The following RBFOX1 variants were observed in gnomAD, a reference collection of about 807,000 sequenced individuals.
The protein encoded by RBFOX1 is RNA binding protein fox-1 homolog 1.
A neutral mutation model predicts 57.7 loss-of-function variants in RBFOX1; 8 were observed. That is an observed-to-expected ratio of 0.14 (90% CI 0.08 to 0.25). The LOEUF (loss-of-function observed/expected upper bound fraction) is 0.25. RBFOX1 is among the 10% of genes least tolerant of loss of function. The probability of loss-of-function intolerance (pLI) is 1.00; values close to 1 mark genes in which losing one functional copy is unlikely to be tolerated. For missense variants in RBFOX1, 611 were observed against 548.5 expected, an observed-to-expected ratio of 1.11 and a Z score of -1.14; for synonymous variants, 326 against 222.4, an observed-to-expected ratio of 1.47 and a Z score of -4.15.
intron 2 of RBFOX1, among the ~76,000 whole-genome samples, chr16:5,552,843 G>A (rs199499781): frequency 3.3e-5 from 2 of 61,016 alleles, no homozygotes; most frequent in Non-Finnish European, 6.9e-5. Context: ...CTTGGGAAAC[G>A]AGGGAAAAGG....
intron 3 of RBFOX1, among the ~76,000 whole-genome samples, chr16:6,930,380 C>A (rs1386090802): frequency 6.6e-6 from 1 of 152,008 alleles, no homozygotes; most frequent in East Asian, 1.9e-4. Context: ...AATGAGATAC[C>A]ACCTCACACC....
chr16:5,507,711 A>G (rs948747013), intron 2 of RBFOX1, among the ~76,000 whole-genome samples: 7 of 152,318 alleles, frequency 4.6e-5, no homozygotes, highest in African/African-American at 9.6e-5. Context: ...TTATAAAAAG[A>G]TGAACTTTGG....
intron 4 of RBFOX1, among the ~76,000 whole-genome samples, chr16:7,180,725 A>G (rs948378767): frequency 2.2e-4 from 34 of 152,172 alleles, no homozygotes; most frequent in African/African-American, 8.2e-4. Context: ...AAAAAAAAAA[A>G]AAAACCTGCC....
chr16:7,113,647 T>C (rs2065255974), intron 4 of RBFOX1, among the ~76,000 whole-genome samples: 1 of 152,220 alleles, frequency 6.6e-6, no homozygotes, highest in Non-Finnish European at 1.5e-5. Context: ...TCTGACTCAA[T>C]ATCCTTCCAC....
At chr16:6,932,478 C>T (rs1597603204) in intron 3 of RBFOX1, among the ~76,000 whole-genome samples, 1 of 152,142 alleles carries the variant, frequency 6.6e-6, no homozygotes, top group Non-Finnish European at 1.5e-5. Context: ...TTGGAGGAAA[C>T]ATTAAAACCA....
intron 3 of RBFOX1, among the ~76,000 whole-genome samples, chr16:5,726,247 G>A (rs1230437106): frequency 6.6e-6 from 1 of 151,342 alleles, no homozygotes; most frequent in Admixed American, 6.6e-5. Context: ...AGATAAATTG[G>A]CCTTTATGGG....
rs77110848 is a variant in RBFOX1, at chr16:7,600,963, C to G, written c.622+3532C>G. 5.3e-5 allele frequency among the ~76,000 whole-genome samples: 8 copies of G among 152,292 alleles called. No homozygotes were observed. The East Asian group carries it at 1.5e-3, about 29-fold the overall frequency. ...TTGGACTATTTCTCTATTGCTATTT[C>G]TCTGAAGGACACCTACCCACACGGA... On this transcript the variant is annotated intron_variant, in intron 9 of 15. Coordinates refer to ENST00000550418, the MANE Select transcript of RBFOX1 (RefSeq NM_018723.4).
At chr16:6,347,805 T>C (rs1259677600) in intron 2 of RBFOX1, among the ~76,000 whole-genome samples, 2 of 152,248 alleles carry the variant, frequency 1.3e-5, no homozygotes, top group African/African-American at 4.8e-5. Flanking sequence ...GGCCCATTCC[T>C]CTAACTAAAC....
intron 1 of RBFOX1, among the ~76,000 whole-genome samples, chr16:6,230,657 T>G (rs2097452101): frequency 6.6e-6 from 1 of 152,198 alleles, no homozygotes; most frequent in East Asian, 1.9e-4. Context: ...AGCAGCTTAA[T>G]TTCTTCACGC....
intron 4 of RBFOX1, among the ~76,000 whole-genome samples, chr16:6,013,296 T>G (rs556061117): frequency 1.4e-3 from 217 of 152,220 alleles, no homozygotes; most frequent in Non-Finnish European, 2.6e-3. Context: ...CAGCTTAGTT[T>G]CTACTTATTA....
chr16:5,985,073 C>T (rs1596345998), intron 4 of RBFOX1, among the ~76,000 whole-genome samples: 3 of 148,716 alleles, frequency 2.0e-5, no homozygotes, highest in African/African-American at 5.0e-5. Flanking sequence ...TCCACCTCCG[C>T]TTCCCGGGTT....
rs959122261 is a variant in RBFOX1 at position 6,590,513 on chromosome 16, C to T, written c.-63-64090C>T. Among the ~76,000 whole-genome samples the T allele has an allele frequency of 3.4e-4, 52 of 152,142 alleles. No individual in the cohort carries two copies. The East Asian group carries it at 4.1e-3, about 12-fold the overall frequency. On this transcript the variant is annotated intron_variant, in intron 2 of 15. Coordinates refer to ENST00000550418, the MANE Select transcript of RBFOX1 (RefSeq NM_018723.4). ...AGAGACAATTGTCCTTTATAGCTTT[C>T]GGGAGTAAATTCAATGAGAGCCCCC...
At chr16:7,242,731 C>T (rs929951766) in intron 4 of RBFOX1, among the ~76,000 whole-genome samples, 1 of 152,160 alleles carries the variant, frequency 6.6e-6, no homozygotes, top group Non-Finnish European at 1.5e-5. Flanking sequence ...ATTGAGTGGC[C>T]ACGTGCATGA....
chr16:6,333,834 A>G (rs2083320614), intron 2 of RBFOX1, among the ~76,000 whole-genome samples: 1 of 152,222 alleles, frequency 6.6e-6, no homozygotes, highest in Non-Finnish European at 1.5e-5. Context: ...TTAATAATAA[A>G]GTGATTTTTC....
rs200393762 is a variant in RBFOX1 at position 7,507,561 on chromosome 16, C to CTTTTTTTTTTTTTTTTTTTTT, written c.28-10583_28-10582insTTTTTTTTTTTTTTTTTTTTT. On this transcript the variant is annotated intron_variant, in intron 4 of 15. Coordinates refer to ENST00000550418, the MANE Select transcript of RBFOX1 (RefSeq NM_018723.4). ...TTGGAACGTGATTTTTTTTTTCTTT[C>CTTTTTTTTTTTTTTTTTTTTT]TTTCTTTTTTTTTTTTTTTTGAGAC... Among the ~76,000 whole-genome samples, 2 of 122,904 alleles carry CTTTTTTTTTTTTTTTTTTTTT rather than the reference C, an allele frequency of 1.6e-5. 1 individual carries two copies. Among genetic ancestry groups the CTTTTTTTTTTTTTTTTTTTTT allele is most frequent in the Non-Finnish European group, 3.4e-5 (2 of 58,376 alleles). The allele number at this position is 122,904 out of a possible 152,430, so 80.6% of individuals were successfully genotyped here.
intron 3 of RBFOX1, among the ~76,000 whole-genome samples, chr16:7,049,307 G>C (rs745580648): frequency 1.3e-5 from 2 of 152,082 alleles, no homozygotes; most frequent in Non-Finnish European, 2.9e-5. Flanking sequence ...TGGGAGGTGG[G>C]AGTTGTTTGC....
intron 9 of RBFOX1, among the ~76,000 whole-genome samples, chr16:7,604,018 G>C (rs911136049): frequency 3.3e-5 from 5 of 152,134 alleles, no homozygotes; most frequent in Admixed American, 3.3e-4. Flanking sequence ...CTGCAGTGGT[G>C]GCAATGGAGA....
intron 4 of RBFOX1, among the ~76,000 whole-genome samples, chr16:7,083,880 ACT>A (rs1280649088): frequency 6.6e-6 from 1 of 151,760 alleles, no homozygotes; most frequent in East Asian, 1.9e-4. Context: ...AGGAATGGTG[ACT>A]CTGTGGTGAA....
chr16:6,717,099 G>T (rs1456837969), intron 3 of RBFOX1, among the ~76,000 whole-genome samples: 2 of 152,284 alleles, frequency 1.3e-5, no homozygotes, highest in East Asian at 3.9e-4. Context: ...CAATCTGTCA[G>T]TGGATTGATC....
Sources: allele counts gnomAD v4.1 joint callset (sites outside exome capture counted in the v4.1 genomes callset), GRCh38; gene constraint gnomAD v4.1.1; transcripts MANE v1.5; gene names NCBI Gene and HGNC (gene_info 2026-07-23, HGNC 2026-07-21).